DIS3L2: variants seen among roughly 807,000 people sequenced by gnomAD.
DIS3L2 encodes the protein DIS3-like exonuclease 2.
A neutral mutation model predicts 97.5 loss-of-function variants in DIS3L2; 34 were observed. The ratio of observed to expected loss-of-function variants is 0.35; its 90% confidence interval spans 0.27 to 0.46. The LOEUF (loss-of-function observed/expected upper bound fraction) is 0.46. DIS3L2 is among the 20% of genes least tolerant of loss of function. DIS3L2 has a pLI of 1.00. For synonymous variants in DIS3L2, 435 were observed against 445.2 expected (o/e 0.98, Z 0.29); for missense variants, 1,038 against 1,146.0 (o/e 0.91, Z 1.36).
intron 5 of DIS3L2, among the ~76,000 whole-genome samples, chr2:232,087,061 T>C (rs1559614255): frequency 1.3e-5 from 2 of 152,142 alleles, no homozygotes; most frequent in Non-Finnish European, 2.9e-5. Context: ...CTTCATCTTG[T>C]ATTCTTGTGG....
At chr2:232,160,397 C>T (rs1205561686) in intron 8 of DIS3L2, among the ~76,000 whole-genome samples, 1 of 152,034 alleles carries the variant, frequency 6.6e-6, no homozygotes, top group Non-Finnish European at 1.5e-5. Context: ...GGAATTTGCC[C>T]ATTTCATCCA....
chr2:232,181,491 T>G (rs1412666905), intron 9 of DIS3L2, among the ~76,000 whole-genome samples: 1 of 152,158 alleles, frequency 6.6e-6, no homozygotes, highest in Non-Finnish European at 1.5e-5. Flanking sequence ...AGTCCCATAT[T>G]TCTTGGAGGC....
At chr2:232,078,019 T>TC (rs1696266142) in intron 5 of DIS3L2, among the ~76,000 whole-genome samples, 1 of 94,794 alleles carries the variant, frequency 1.1e-5, no homozygotes, top group South Asian at 3.6e-4. Flanking sequence ...CTTTCTTTCT[T>TC]TTTCTCTTTC....
chr2:232,099,705 A>T (rs1454622392), intron 6 of DIS3L2, among the ~76,000 whole-genome samples: 1 of 152,200 alleles, frequency 6.6e-6, no homozygotes, highest in Non-Finnish European at 1.5e-5. Context: ...GTAAAATTGT[A>T]CCTGCTGTTT....
intron 1 of DIS3L2, among the ~76,000 whole-genome samples, chr2:231,962,161 G>A (rs1462351004): frequency 1.3e-5 from 2 of 152,228 alleles, no homozygotes; most frequent in South Asian, 2.1e-4. Flanking sequence ...TTCAGGACTG[G>A]CAGGGATGGG....
intron 9 of DIS3L2, among the ~76,000 whole-genome samples, chr2:232,195,632 A>G (rs1691732262): frequency 6.6e-6 from 1 of 151,864 alleles, no homozygotes; most frequent in African/African-American, 2.4e-5. Context: ...TTTTATTTTA[A>G]ATAGAGATGG....
Position 232,133,333 on chromosome 2 carries a change from A to G in DIS3L2, c.702+2614A>G, listed in dbSNP as rs186075107. On this transcript the variant is annotated intron_variant, in intron 7 of 20. Coordinates refer to ENST00000325385, the MANE Select transcript of DIS3L2 (RefSeq NM_152383.5). ...ACCAAACATACCAAGATAGCACTGC[A>G]AAGGCTATTTTCCAAGGAAATTGTC... is the stretch of plus-strand genomic sequence containing the variant. Among the ~76,000 whole-genome samples, 322 of 152,332 alleles carry G rather than the reference A, an allele frequency of 2.1e-3. 2 individuals are homozygous for G. Among genetic ancestry groups the G allele is most frequent in the African/African-American group, 7.3e-3 (305 of 41,588 alleles).
rs550633605 is a variant in DIS3L2, at chr2:232,036,337, C to T, written c.366+6257C>T. The stretch of plus-strand genomic sequence containing the variant: ...TCTACTGATACTTGTATATGCTTCA[C>T]GAAGTTCTCATGCTGTGTTTTTTAG... On this transcript the variant is annotated intron_variant, in intron 5 of 20. Coordinates refer to ENST00000325385, the MANE Select transcript of DIS3L2 (RefSeq NM_152383.5). 5.3e-5 allele frequency among the ~76,000 whole-genome samples: 8 copies of T among 152,254 alleles called. No homozygotes were observed. In the South Asian group the frequency reaches 1.5e-3, roughly 28 times the overall value.
At chr2:232,295,095 T>C (rs1030436918) in intron 13 of DIS3L2, among the ~76,000 whole-genome samples, 1 of 152,174 alleles carries the variant, frequency 6.6e-6, no homozygotes, top group Non-Finnish European at 1.5e-5. Context: ...TTCACACTAA[T>C]GTCTAAGTTG....
chr2:231,995,362 A>G (rs1232731866), intron 1 of DIS3L2, among the ~76,000 whole-genome samples: 1 of 152,156 alleles, frequency 6.6e-6, no homozygotes, highest in African/African-American at 2.4e-5. Flanking sequence ...GCTGGACCCT[A>G]TTGTGTGAAT....
At chr2:232,329,785 T>TGCCGGGGGCCG in intron 14 of DIS3L2, 28 bp from the exon 15 acceptor site, 1 of 967,142 alleles carries the variant, frequency 1.0e-6, no homozygotes, top group Non-Finnish European at 1.5e-6. Context: ...ACCCCAGCGG[T>TGCCGGGGGCCG]CCCTCCCATC....
intron 13 of DIS3L2, among the ~76,000 whole-genome samples, chr2:232,297,688 GTTCC>G (rs1188053246): frequency 6.9e-6 from 1 of 145,850 alleles, no homozygotes; most frequent in Non-Finnish European, 1.5e-5. Context: ...GTTTAGGTAT[GTTCC>G]TTCCAAGTCT....
At chr2:232,118,300 A>G (rs183980390) in intron 6 of DIS3L2, among the ~76,000 whole-genome samples, 35 of 152,316 alleles carry the variant, frequency 2.3e-4, no homozygotes, top group Non-Finnish European at 3.7e-4. Flanking sequence ...GTGATCATAC[A>G]GGGCATGAAG....
chr2:231,970,607 A>G (rs1261402303), intron 1 of DIS3L2, among the ~76,000 whole-genome samples: 2 of 152,238 alleles, frequency 1.3e-5, no homozygotes, highest in Non-Finnish European at 2.9e-5. Context: ...GGCATTGACC[A>G]TGAATGGAAG....
chr2:232,141,017 C>T (rs1047697456), intron 8 of DIS3L2, among the ~76,000 whole-genome samples: 1 of 152,132 alleles, frequency 6.6e-6, no homozygotes, highest in Non-Finnish European at 1.5e-5. Flanking sequence ...TAGTACTACA[C>T]TCTAGTCCAG....
Position 232,336,586 on chromosome 2 carries a change from G to A in DIS3L2, c.2614G>A (p.Glu872Lys), listed in dbSNP as rs773211844. Reference protein sequence around the residue: ...TQGHLGPEKEEEESDGEPEDS... With the variant: ...TQGHLGPEKEKEESDGEPEDS... ...GGGCCACCTGGGCCCTGAGAAGGAG[G>A]AGGAGGAGTCTGACGGTGAGCCCGA... Residue 872 changes from glutamate to lysine, a missense_variant, in exon 21 of 21, where the codon GAG becomes AAG. Physicochemically the swap from Glu to Lys is moderately conservative, Grantham distance 56. Around this residue, in one of 3 missense-constraint regions of DIS3L2, gnomAD observed 221 missense variants for 246.9 expected, o/e 0.90. Transcript: ENST00000325385. The A allele has an allele frequency of 1.2e-6, 2 of 1,608,704 alleles. No homozygotes were observed. Among genetic ancestry groups the A allele is most frequent in the South Asian group, 1.1e-5 (1 of 91,052 alleles).
chr2:232,170,316 G>C (rs931085860), intron 9 of DIS3L2, among the ~76,000 whole-genome samples: 4 of 152,032 alleles, frequency 2.6e-5, no homozygotes, highest in African/African-American at 9.7e-5. Flanking sequence ...CAATTAAAGT[G>C]GAAAATGAAA....
chr2:232,161,010 C>T (rs557316389), intron 8 of DIS3L2, among the ~76,000 whole-genome samples: 2 of 152,232 alleles, frequency 1.3e-5, no homozygotes, highest in Middle Eastern at 3.4e-3. Flanking sequence ...CTCCGCCTCC[C>T]GGGTTCAAGC....
rs1030730462 is a variant in DIS3L2, at chr2:232,327,840, A to G, written c.1740-1973A>G. Among the ~76,000 whole-genome samples the G allele has an allele frequency of 2.6e-5, 4 of 152,174 alleles. No homozygotes were observed. The East Asian group carries it at 5.8e-4, about 22-fold the overall frequency. On this transcript the variant is annotated intron_variant, in intron 14 of 20. Transcript: ENST00000325385. ...AGTGCCTGCGTCCTGAGGGCTTTCAATGCATCAGGCAGAGGGCCTGCCAGT... is the reference window on the plus strand; with the variant it reads ...AGTGCCTGCGTCCTGAGGGCTTTCAGTGCATCAGGCAGAGGGCCTGCCAGT...
Sources: allele counts gnomAD v4.1 joint callset (sites outside exome capture counted in the v4.1 genomes callset), GRCh38; gene constraint gnomAD v4.1.1; regional missense constraint gnomAD v4.1.1; transcripts MANE v1.5; gene names NCBI Gene and HGNC (gene_info 2026-07-23, HGNC 2026-07-21).